GALNT17: variants seen among roughly 807,000 people sequenced by gnomAD.
The protein encoded by GALNT17 is UDP-GalNAc:polypeptide N-acetylgalactosaminyltransferase-like 3.
In GALNT17, 29 loss-of-function variants were observed where a neutral mutation model predicts 63.7. That is an observed-to-expected ratio of 0.46 (90% CI 0.34 to 0.62). The LOEUF (loss-of-function observed/expected upper bound fraction) is 0.62, where lower values mean the gene tolerates loss of function less well. GALNT17 is among the 20% of genes least tolerant of loss of function. GALNT17 has a pLI of 0.01. For missense variants in GALNT17, 603 were observed against 799.6 expected (o/e 0.75, Z 2.97); for synonymous variants, 305 against 318.3 (o/e 0.96, Z 0.45).
intron 3 of GALNT17, among the ~76,000 whole-genome samples, chr7:71,409,838 C>T (rs1793399197): frequency 2.0e-5 from 3 of 152,094 alleles, no homozygotes; most frequent in South Asian, 2.1e-4. Context: ...ACCTCCCCAA[C>T]GATTTCTGGG....
chr7:71,546,166 T>C (rs1788981303), intron 5 of GALNT17, among the ~76,000 whole-genome samples: 2 of 151,412 alleles, frequency 1.3e-5, no homozygotes, highest in African/African-American at 4.8e-5. Context: ...GGACACTTTT[T>C]TTTTTTTTTT....
intron 1 of GALNT17, among the ~76,000 whole-genome samples, chr7:71,196,795 A>T (rs939738997): frequency 9.9e-5 from 15 of 151,916 alleles, no homozygotes; most frequent in Admixed American, 9.2e-4. Context: ...CTGGGACTAC[A>T]GGTGCGCGCA....
At chr7:71,393,876 C>T (rs933232191) in intron 3 of GALNT17, among the ~76,000 whole-genome samples, 1 of 152,152 alleles carries the variant, frequency 6.6e-6, no homozygotes, top group Non-Finnish European at 1.5e-5. Context: ...CTCACCAAGT[C>T]CAGCGAGCAT....
intron 3 of GALNT17, among the ~76,000 whole-genome samples, chr7:71,396,686 T>C (rs114696238): frequency 6.6e-6 from 1 of 152,202 alleles, no homozygotes; most frequent in Non-Finnish European, 1.5e-5. Context: ...GATTGTATTA[T>C]ATGTGTAAAT....
intron 10 of GALNT17, among the ~76,000 whole-genome samples, chr7:71,711,270 T>C (rs909314200): frequency 6.6e-6 from 1 of 152,026 alleles, no homozygotes; most frequent in Admixed American, 6.6e-5. Flanking sequence ...CTCAACATCC[T>C]GACCCCCTCC....
chr7:71,701,923 G>A (rs75692714), intron 9 of GALNT17, among the ~76,000 whole-genome samples: 11,224 of 124,790 alleles, frequency 0.09, 892 homozygotes, highest in South Asian at 0.13. Flanking sequence ...ATATATATAT[G>A]TATATATATA....
At chr7:71,642,301 A>C (rs1393806054) in intron 6 of GALNT17, among the ~76,000 whole-genome samples, 2 of 152,142 alleles carry the variant, frequency 1.3e-5, no homozygotes, top group Admixed American at 6.5e-5. Context: ...GCTTGTAAAA[A>C]TGAAATAAAA....
chr7:71,303,193 G>T (rs1168535541), intron 1 of GALNT17, among the ~76,000 whole-genome samples: 1 of 151,116 alleles, frequency 6.6e-6, no homozygotes, highest in Non-Finnish European at 1.5e-5. Flanking sequence ...TTCTCGCTGT[G>T]TTGCCCAGGC....
intron 6 of GALNT17, among the ~76,000 whole-genome samples, chr7:71,590,287 A>T (rs1789779483): frequency 6.6e-6 from 1 of 152,186 alleles, no homozygotes; most frequent in Non-Finnish European, 1.5e-5. Context: ...CAAACCATTT[A>T]CTCTACCACT....
At chr7:71,697,452 G>T (rs1390369841) in intron 9 of GALNT17, among the ~76,000 whole-genome samples, 1 of 152,140 alleles carries the variant, frequency 6.6e-6, no homozygotes, top group East Asian at 1.9e-4. Flanking sequence ...AGGGTGCAAA[G>T]TTGATTCAAG....
intron 1 of GALNT17, among the ~76,000 whole-genome samples, chr7:71,166,121 A>G (rs916206580): frequency 6.6e-6 from 1 of 152,210 alleles, no homozygotes; most frequent in Admixed American, 6.5e-5. Flanking sequence ...TGCAATGTGC[A>G]CATCTGTTGA....
intron 1 of GALNT17, among the ~76,000 whole-genome samples, chr7:71,278,527 T>C (rs985908053): frequency 1.3e-5 from 2 of 152,244 alleles, no homozygotes; most frequent in African/African-American, 4.8e-5. Flanking sequence ...TGTCGTAATA[T>C]GTTCTCAGGC....
At chr7:71,555,437 G>A (rs187017524) in intron 5 of GALNT17, among the ~76,000 whole-genome samples, 12 of 129,126 alleles carry the variant, frequency 9.3e-5, no homozygotes, top group Middle Eastern at 6.7e-3. Flanking sequence ...AGTGAGCCCA[G>A]CAGCTTTGTC....
chr7:71,337,997 C>T (rs1052398596), intron 2 of GALNT17, among the ~76,000 whole-genome samples: 15 of 151,954 alleles, frequency 9.9e-5, no homozygotes, highest in Non-Finnish European at 1.6e-4. Flanking sequence ...CCCAGGAGTT[C>T]GAGATCAGCC....
At chr7:71,527,701 C>CTT (rs986717143) in intron 5 of GALNT17, among the ~76,000 whole-genome samples, 1 of 152,188 alleles carries the variant, frequency 6.6e-6, no homozygotes, top group Non-Finnish European at 1.5e-5. Context: ...AGACAAGAAA[C>CTT]TTGGCAGTTT....
intron 5 of GALNT17, among the ~76,000 whole-genome samples, chr7:71,511,565 C>T (rs867380263): frequency 6.6e-6 from 1 of 152,174 alleles, no homozygotes; most frequent in African/African-American, 2.4e-5. Context: ...GGCCCTTGTC[C>T]AGCCATTAAA....
At chr7:71,299,884 G>C (rs1472591094) in intron 1 of GALNT17, among the ~76,000 whole-genome samples, 1 of 152,086 alleles carries the variant, frequency 6.6e-6, no homozygotes, top group Non-Finnish European at 1.5e-5. Flanking sequence ...TCCTGCCTCA[G>C]CCTCTGGAGT....
At chr7:71,368,273 A>C (rs1792552278) in intron 2 of GALNT17, among the ~76,000 whole-genome samples, 1 of 152,246 alleles carries the variant, frequency 6.6e-6, no homozygotes, top group Non-Finnish European at 1.5e-5. Flanking sequence ...GAATTTTATA[A>C]GGTGGCTTCA....
intron 6 of GALNT17, among the ~76,000 whole-genome samples, chr7:71,652,021 G>T (rs1014528285): frequency 2.6e-5 from 4 of 152,144 alleles, no homozygotes; most frequent in African/African-American, 9.7e-5. Context: ...TTTTAAAATG[G>T]TGAAAATAAA....
Sources: gnomAD v4.1 joint callset for allele counts (sites outside exome capture counted in the v4.1 genomes callset) on GRCh38, gnomAD v4.1.1 for gene constraint, MANE v1.5 for transcripts, NCBI Gene and HGNC (gene_info 2026-07-23, HGNC 2026-07-21) for gene names.